Variants in MCC observed in about 807,000 individuals in gnomAD.
MCC encodes the protein MCC regulator of Wnt signaling pathway.
A neutral mutation model predicts 116.2 loss-of-function variants in MCC; 90 were observed. The observed-to-expected ratio is 0.77, with a 90% CI of 0.65 to 0.92. MCC has a LOEUF of 0.92. Among genes scored for constraint, MCC ranks in the 40% least tolerant of loss-of-function variants. The pLI, the probability that MCC is intolerant of heterozygous loss-of-function variation, is 0.00. For missense variants in MCC, 1,516 were observed against 1,312.2 expected (o/e 1.16, Z -2.40); for synonymous variants, 578 against 510.5 (o/e 1.13, Z -1.78).
At chr5:113,421,290 G>A (rs1011869756) in intron 1 of MCC, among the ~76,000 whole-genome samples, 1 of 152,056 alleles carries the variant, frequency 6.6e-6, no homozygotes, top group East Asian at 1.9e-4. Context: ...CTCCCAAAGT[G>A]CTGGGATTAC....
At chr5:113,415,328 G>T (rs1399754636) in intron 1 of MCC, among the ~76,000 whole-genome samples, 3 of 152,150 alleles carry the variant, frequency 2.0e-5, no homozygotes, top group Non-Finnish European at 4.4e-5. Context: ...TGCTAGGTTG[G>T]GGAAGCTCTC....
At chr5:113,065,025 T>C (rs928858739) in intron 13 of MCC, among the ~76,000 whole-genome samples, 3 of 152,094 alleles carry the variant, frequency 2.0e-5, no homozygotes, top group African/African-American at 4.8e-5. Context: ...ACAGCAATGG[T>C]TGCCAGGGGA....
intron 3 of MCC, among the ~76,000 whole-genome samples, chr5:113,311,965 G>T (rs1767144499): frequency 6.6e-6 from 1 of 152,144 alleles, no homozygotes; most frequent in Admixed American, 6.5e-5. Context: ...AATTAGCTGG[G>T]TGTGATGGTG....
At chr5:113,367,243 C>T (rs753795691) in intron 2 of MCC, among the ~76,000 whole-genome samples, 3 of 151,648 alleles carry the variant, frequency 2.0e-5, no homozygotes, top group Non-Finnish European at 4.4e-5. Context: ...ACAGATAAGC[C>T]GAGTTTTTTT....
chr5:113,365,962 A>T (rs906721531), intron 2 of MCC, among the ~76,000 whole-genome samples: 3 of 152,194 alleles, frequency 2.0e-5, no homozygotes, highest in Non-Finnish European at 4.4e-5. Flanking sequence ...ACTTCCCACC[A>T]GGCCCCACCT....
At chr5:113,165,527 G>A (rs1220811943) in intron 3 of MCC, among the ~76,000 whole-genome samples, 1 of 152,124 alleles carries the variant, frequency 6.6e-6, no homozygotes, top group Admixed American at 6.5e-5. Flanking sequence ...GGATAGCTAA[G>A]GACAATGCAA....
intron 1 of MCC, among the ~76,000 whole-genome samples, chr5:113,476,322 G>C (rs779304908): frequency 6.6e-6 from 1 of 152,200 alleles, no homozygotes; most frequent in Non-Finnish European, 1.5e-5. Context: ...AATCAAGACA[G>C]TATGGTACTA....
intron 1 of MCC, among the ~76,000 whole-genome samples, chr5:113,476,401 G>A (rs1031172938): frequency 6.6e-6 from 1 of 152,170 alleles, no homozygotes; most frequent in Non-Finnish European, 1.5e-5. Flanking sequence ...TACATTTATG[G>A]TCTATTGATT....
chr5:113,470,921 TCATTC>T (rs1362899182), intron 1 of MCC, among the ~76,000 whole-genome samples: 1 of 152,228 alleles, frequency 6.6e-6, no homozygotes, highest in African/African-American at 2.4e-5. Context: ...TCACTTCATT[TCATTC>T]ATTTCGTCTT....
intron 13 of MCC, among the ~76,000 whole-genome samples, chr5:113,065,529 G>A (rs1286421872): frequency 6.6e-6 from 1 of 152,078 alleles, no homozygotes; most frequent in Non-Finnish European, 1.5e-5. Context: ...AAAGGTAAAT[G>A]CGGAATTGGA....
chr5:113,059,944 C>A (rs575291804), intron 14 of MCC, among the ~76,000 whole-genome samples: 1 of 152,208 alleles, frequency 6.6e-6, no homozygotes. Context: ...CATGCCCCAC[C>A]TCTGTCCTCA....
Position 113,434,152 on chromosome 5 carries a change from C to T in MCC, c.171-48940G>A. On this transcript the variant is annotated intron_variant, in intron 1 of 18. Transcript: ENST00000408903. This position sits in a 1 kb window ranked among gnomAD's most constrained non-coding sequence, Gnocchi z 4.2. ...GAGCGTGGGAAGTTGACGCGGTGCT[C>T]CTTCTGGATACGCAGCATCTTCTTG... The T allele has an allele frequency of 1.2e-5, 19 of 1,614,132 alleles. No homozygotes were observed. Among genetic ancestry groups the T allele is most frequent in the Non-Finnish European group, 1.6e-5 (19 of 1,180,020 alleles).
intron 1 of MCC, among the ~76,000 whole-genome samples, chr5:113,393,051 T>C (rs891824756): frequency 1.3e-5 from 2 of 151,830 alleles, no homozygotes; most frequent in African/African-American, 2.4e-5. Flanking sequence ...ATACAAACAA[T>C]GCTATAAACT....
intron 3 of MCC, among the ~76,000 whole-genome samples, chr5:113,181,791 A>C (rs908729722): frequency 6.6e-6 from 1 of 152,210 alleles, no homozygotes; most frequent in Non-Finnish European, 1.5e-5. Flanking sequence ...AAAATAGAAA[A>C]AAAGAAAGAA....
At chr5:113,438,916 A>G (rs1770947688) in intron 1 of MCC, among the ~76,000 whole-genome samples, 1 of 152,168 alleles carries the variant, frequency 6.6e-6, no homozygotes, top group African/African-American at 2.4e-5. Context: ...TGGGAGAGAA[A>G]AAAAATCAGA....
At chr5:113,480,334 C>G (rs1434702738) in intron 1 of MCC, among the ~76,000 whole-genome samples, 1 of 152,196 alleles carries the variant, frequency 6.6e-6, no homozygotes, top group Non-Finnish European at 1.5e-5. Context: ...TAACACAGTA[C>G]ATGGAACAAT....
chr5:113,073,897 G>A (rs1217732800), intron 11 of MCC, among the ~76,000 whole-genome samples: 1 of 152,232 alleles, frequency 6.6e-6, no homozygotes, highest in Non-Finnish European at 1.5e-5. Context: ...AAACTGGGTG[G>A]AGCCCACCGC....
At chr5:113,074,402 A>G (rs1754269814) in intron 11 of MCC, among the ~76,000 whole-genome samples, 1 of 152,242 alleles carries the variant, frequency 6.6e-6, no homozygotes, top group South Asian at 2.1e-4. Flanking sequence ...CAATGACCAA[A>G]GGTAGATAAA....
At chr5:113,486,591 C>A (rs979166963) in intron 1 of MCC, among the ~76,000 whole-genome samples, 7 of 152,200 alleles carry the variant, frequency 4.6e-5, no homozygotes, top group Admixed American at 4.6e-4. Flanking sequence ...GGCCTGTAAT[C>A]TCAGCGCTTC....
Sources: gnomAD v4.1 joint callset for allele counts (sites outside exome capture counted in the v4.1 genomes callset) on GRCh38, gnomAD v4.1.1 for gene constraint, Gnocchi (gnomAD v3.1) non-coding constraint, MANE v1.5 for transcripts, NCBI Gene and HGNC (gene_info 2026-07-23, HGNC 2026-07-21) for gene names.